Variants in MTMR9 observed in about 807,000 individuals in gnomAD.
The protein encoded by MTMR9 is myotubularin-related protein 9.
In MTMR9, 39 loss-of-function variants were observed where a neutral mutation model predicts 69.5. The ratio of observed to expected loss-of-function variants is 0.56; its 90% CI spans 0.43 to 0.73. MTMR9 has a LOEUF of 0.73. Among genes scored for constraint, MTMR9 ranks in the 30% least tolerant of loss-of-function variants. MTMR9 has a pLI of 0.00. For synonymous variants in MTMR9, 354 were observed against 240.8 expected, an observed-to-expected ratio of 1.47 and a Z score of -4.35; for missense variants, 900 against 671.2, an observed-to-expected ratio of 1.34 and a Z score of -3.77.
intron 6 of MTMR9, 99 bp downstream of exon 6, chr8:11,309,787 G>A: frequency 2.3e-6 from 3 of 1,325,118 alleles, no homozygotes; most frequent in Non-Finnish European, 3.1e-6. Flanking sequence ...AAAGTTTGCA[G>A]TAAATTACTG....
At chr8:11,315,178 G>C (rs1800365063) in intron 7 of MTMR9, 114 bp downstream of exon 7, 1 of 1,331,366 alleles carries the variant, frequency 7.5e-7, no homozygotes, top group Non-Finnish European at 1.1e-6. Context: ...TCTAAGTTGT[G>C]TGTTTAATTT....
intron 1 of MTMR9, among the ~76,000 whole-genome samples, chr8:11,292,266 A>T (rs1367889759): frequency 1.3e-5 from 2 of 152,216 alleles, no homozygotes; most frequent in South Asian, 4.1e-4. Flanking sequence ...ATTTGAGGCT[A>T]TTAAATAAAG....
At chr8:11,329,422 T>G (rs972990672), downstream of MTMR9, among the ~76,000 whole-genome samples, 25 of 152,240 alleles carry the variant, frequency 1.6e-4, no homozygotes, top group Non-Finnish European at 3.4e-4. Context: ...TGCCTGATTC[T>G]CCTGCCTCAG....
intron 1 of MTMR9, among the ~76,000 whole-genome samples, chr8:11,289,204 A>C (rs1305162730): frequency 6.6e-6 from 1 of 152,136 alleles, no homozygotes; most frequent in Non-Finnish European, 1.5e-5. Flanking sequence ...AAAAAACAGT[A>C]GTGTAGTCAC....
chr8:11,314,656 G>A (rs1246401343), intron 6 of MTMR9, among the ~76,000 whole-genome samples: 1 of 152,184 alleles, frequency 6.6e-6, no homozygotes, highest in Non-Finnish European at 1.5e-5. Context: ...TGTGAAATTT[G>A]TTATAACTTA....
rs73537144 is a variant in MTMR9, at chr8:11,298,869, T to C, written c.292-1154T>C. On this transcript the variant is annotated intron_variant, in intron 2 of 9. Coordinates refer to ENST00000221086, the MANE Select transcript of MTMR9 (RefSeq NM_015458.4). ...TGTCTGTTTTCCAGGATTCAAGTGC[T>C]CCAGGTAAATATAGGCCCATTTGGG... The C allele has an allele frequency of 3.2e-3, 3,198 of 985,204 alleles. 23 individuals are homozygous for C. The highest frequency in any genetic ancestry group is 0.017 in the Middle Eastern group (32 of 1,914). 61.0% of individuals were successfully genotyped at this position (985,204 alleles called of 1,614,324 possible).
intron 1 of MTMR9, among the ~76,000 whole-genome samples, chr8:11,288,571 T>G (rs1799274624): frequency 6.6e-6 from 1 of 151,386 alleles, no homozygotes; most frequent in Non-Finnish European, 1.5e-5. Context: ...TACAAAGACT[T>G]GAGATGGGGA....
At position 11,295,267 on chromosome 8, in the gene MTMR9, A is replaced by T. The variant is rs1487619038; in HGVS notation, c.256A>T (p.Met86Leu). 1.2e-6 allele frequency: 2 copies of T among 1,609,046 alleles called. No individual in the cohort carries two copies. Among genetic ancestry groups the T allele is most frequent in the African/African-American group, 2.7e-5 (2 of 74,830 alleles). Residue 86 changes from methionine to leucine, a missense_variant, in exon 2 of 10, where the codon ATG (methionine) becomes TTG (leucine). Physicochemically the swap from Met to Leu is conservative, Grantham distance 15. Coordinates refer to ENST00000221086, the MANE Select transcript of MTMR9 (RefSeq NM_015458.4). ...AATTATTCAGTTGGATATTCCTGGA[A>T]TGGAGGAATGCTTGAATATAGCCAG... is the stretch of plus-strand genomic sequence containing the variant. ...FRIIQLDIPG[M>L]EECLNIASSI...
chr8:11,290,150 G>T (rs915626152), intron 1 of MTMR9, among the ~76,000 whole-genome samples: 3 of 152,096 alleles, frequency 2.0e-5, no homozygotes, highest in African/African-American at 7.2e-5. Context: ...TTTCCAGTCT[G>T]AAGATTGTGA....
chr8:11,309,806 A>G, intron 6 of MTMR9, 118 bp downstream of exon 6: 1 of 1,008,118 alleles, frequency 9.9e-7, no homozygotes, highest in Non-Finnish European at 1.4e-6. Flanking sequence ...TGTGTAGGCT[A>G]GTCAACACCA....
downstream of MTMR9, chr8:11,331,138 C>T: frequency 1.9e-6 from 3 of 1,607,554 alleles, no homozygotes; most frequent in Non-Finnish European, 2.5e-6. Flanking sequence ...TTCAACCTGC[C>T]TGACTCCACA....
chr8:11,292,515 C>T lies in MTMR9; in HGVS notation c.183-2679C>T, dbSNP rs559433657. Among the ~76,000 whole-genome samples the T allele has an allele frequency of 1.3e-3, 204 of 152,274 alleles. 1 individual carries two copies. The highest frequency in any genetic ancestry group is 4.4e-3 in the African/African-American group (181 of 41,566). Reference sequence around the variant, plus strand: ...CTTGTCAGCATTTGCTATGGTCTGTCTTTTAAATTTTGGCAATTCCAATAG... The same window carrying T: ...CTTGTCAGCATTTGCTATGGTCTGTTTTTTAAATTTTGGCAATTCCAATAG... On this transcript the variant is annotated intron_variant, in intron 1 of 9. Coordinates refer to ENST00000221086, the MANE Select transcript of MTMR9 (RefSeq NM_015458.4).
downstream of MTMR9, chr8:11,331,070 C>T (rs776474389): frequency 1.3e-6 from 2 of 1,561,036 alleles, no homozygotes; most frequent in South Asian, 1.2e-5. Flanking sequence ...GGCCCAGGCT[C>T]CCTGAGCCAG....
chr8:11,312,904 G>T lies in MTMR9; in HGVS notation c.972-2019G>T, dbSNP rs756682375. Among the ~76,000 whole-genome samples, 9 of 152,192 alleles carry T rather than the reference G, an allele frequency of 5.9e-5. No homozygotes were observed. In the East Asian group the frequency reaches 1.5e-3, roughly 26 times the overall value. ...CTCCATCAGAGCTCTTAAGTGACCA[G>T]GTGCATTGTCAGTGTGCAGTGATGT... On this transcript the variant is annotated intron_variant, in intron 6 of 9. Coordinates refer to ENST00000221086, the MANE Select transcript of MTMR9 (RefSeq NM_015458.4).
At position 11,294,594 on chromosome 8, in the gene MTMR9, C is replaced by G. The variant is rs531623821; in HGVS notation, c.183-600C>G. ...TCGGCTCACTGCAACCTCTGCCTCC[C>G]GGGTTCAAGCGATTCTCTTGCCTGA... On this transcript the variant is annotated intron_variant, in intron 1 of 9. Transcript: ENST00000221086. Among the ~76,000 whole-genome samples, 322 of 149,402 alleles carry G rather than the reference C, an allele frequency of 2.2e-3. 1 individual carries two copies. The highest frequency in any genetic ancestry group is 7.7e-3 in the African/African-American group (307 of 39,828).
the MTMR9 span, among the ~76,000 whole-genome samples, chr8:11,334,623 A>G: frequency 6.6e-6 from 1 of 152,212 alleles, no homozygotes; most frequent in Non-Finnish European, 1.5e-5. Flanking sequence ...AAAGTAACAA[A>G]ACATACAGAA....
chr8:11,324,716 G>A lies in MTMR9; in HGVS notation c.*1928G>A, dbSNP rs192356734. The A allele has an allele frequency of 6.6e-6, 1 of 152,178 alleles. No homozygotes were observed. Among genetic ancestry groups the A allele is most frequent in the South Asian group, 2.1e-4 (1 of 4,826 alleles). The allele number at this position is 152,178 out of a possible 1,614,324, so 9.4% of individuals were successfully genotyped here. A position where few individuals can be genotyped will look rare whatever the true frequency, so the allele number is the denominator to read the frequency against. On this transcript the variant is annotated 3_prime_UTR_variant, in exon 10 of 10. Coordinates refer to ENST00000221086, the MANE Select transcript of MTMR9 (RefSeq NM_015458.4). ...TTTAGAAGTGACTCCCATTAGCCTG[G>A]TGTGGTGGTGTGTGCCTATAGTCCC...
At chr8:11,306,451 T>C in intron 5 of MTMR9, 44 bp downstream of exon 5, 1 of 1,555,586 alleles carries the variant, frequency 6.4e-7, no homozygotes, top group Non-Finnish European at 8.9e-7. Flanking sequence ...TAGAAGCTAA[T>C]TATAGTGGGT....
At chr8:11,288,900 C>T (rs1267398781) in intron 1 of MTMR9, among the ~76,000 whole-genome samples, 4 of 152,310 alleles carry the variant, frequency 2.6e-5, no homozygotes, top group East Asian at 1.9e-4. Context: ...AGGCCGGGCA[C>T]GGTGGCTCAC....
Sources: gnomAD v4.1 joint callset for allele counts (sites outside exome capture counted in the v4.1 genomes callset) on GRCh38, gnomAD v4.1.1 for gene constraint, MANE v1.5 for transcripts, NCBI Gene and HGNC (gene_info 2026-07-23, HGNC 2026-07-21) for gene names.